Variants in LIN28B observed in about 807,000 individuals in gnomAD.
The protein encoded by LIN28B is protein lin-28 homolog B.
In LIN28B, 5 loss-of-function variants were observed where a neutral mutation model predicts 21.9. That is an observed-to-expected ratio of 0.23 (90% confidence interval 0.12 to 0.48). The LOEUF (loss-of-function observed/expected upper bound fraction) is 0.48. Among genes scored for constraint, LIN28B ranks in the 20% least tolerant of loss-of-function variants. The pLI is 0.98. For synonymous variants in LIN28B, 109 were observed against 111.3 expected (o/e 0.98, Z 0.13); for missense variants, 245 against 310.5 (o/e 0.79, Z 1.58).
At chr6:105,036,922 T>C (rs1460995752) in intron 3 of LIN28B, among the ~76,000 whole-genome samples, 1 of 150,228 alleles carries the variant, frequency 6.7e-6, no homozygotes, top group East Asian at 2.0e-4. Flanking sequence ...AAATTTGATA[T>C]CCTTTCTAAA....
intron 2 of LIN28B, among the ~76,000 whole-genome samples, chr6:104,984,584 C>A (rs949576152): frequency 9.9e-5 from 15 of 152,084 alleles, no homozygotes; most frequent in Non-Finnish European, 1.9e-4. Context: ...AGTTTGTGCA[C>A]CACCATGCCC....
intron 2 of LIN28B, among the ~76,000 whole-genome samples, chr6:105,010,099 A>T (rs1180142522): frequency 1.4e-4 from 21 of 152,134 alleles, no homozygotes; most frequent in Admixed American, 1.2e-3. Flanking sequence ...CTTACTGAAT[A>T]CTTCATAGCA....
Position 104,974,912 on chromosome 6 carries a change from C to G in LIN28B, c.198+16626C>G, listed in dbSNP as rs149605024. Among the ~76,000 whole-genome samples, 6 of 152,118 alleles carry G rather than the reference C, an allele frequency of 3.9e-5. No individual in the cohort carries two copies. In the East Asian group the frequency reaches 1.2e-3, roughly 29 times the overall value. Reference sequence around the variant, plus strand: ...TCTGTTCATTGCAACCTCTGCCTCCCAGGTTCAAGTTGTTCTCCTGCCTCA... The same window carrying G: ...TCTGTTCATTGCAACCTCTGCCTCCGAGGTTCAAGTTGTTCTCCTGCCTCA... On this transcript the variant is annotated intron_variant, in intron 2 of 3. Transcript: ENST00000345080.
intron 2 of LIN28B, among the ~76,000 whole-genome samples, chr6:104,949,407 C>T (rs1680500597): frequency 6.6e-6 from 1 of 152,036 alleles, no homozygotes; most frequent in South Asian, 2.1e-4. Context: ...TCACATTCTT[C>T]CTCTATTCTT....
intron 2 of LIN28B, among the ~76,000 whole-genome samples, chr6:104,961,604 G>A (rs945117433): frequency 2.0e-5 from 3 of 152,074 alleles, no homozygotes; most frequent in African/African-American, 7.2e-5. Flanking sequence ...GTTTCACTAT[G>A]TTGGCCAGGC....
At chr6:105,037,151 TC>T (rs1214664028) in intron 3 of LIN28B, among the ~76,000 whole-genome samples, 1 of 152,166 alleles carries the variant, frequency 6.6e-6, no homozygotes, top group Non-Finnish European at 1.5e-5. Flanking sequence ...TGAAGACTGA[TC>T]AACAGAAAAT....
chr6:105,065,866 G>A (rs1185800154), intron 3 of LIN28B, among the ~76,000 whole-genome samples: 2 of 152,150 alleles, frequency 1.3e-5, no homozygotes, highest in Admixed American at 6.5e-5. Context: ...ATTCAATAAT[G>A]TAATAATAAT....
intron 3 of LIN28B, among the ~76,000 whole-genome samples, chr6:105,066,636 T>A (rs1272937475): frequency 6.6e-6 from 1 of 152,214 alleles, no homozygotes; most frequent in Non-Finnish European, 1.5e-5. Context: ...GTCCTTATTT[T>A]GTATACCTAA....
intron 3 of LIN28B, among the ~76,000 whole-genome samples, chr6:105,049,449 G>T (rs1384289907): frequency 1.3e-5 from 2 of 152,216 alleles, no homozygotes; most frequent in African/African-American, 4.8e-5. Flanking sequence ...GAATAAGTGT[G>T]ATGTGGTGCT....
chr6:104,987,271 C>T (rs1029278063), intron 2 of LIN28B, among the ~76,000 whole-genome samples: 3 of 152,056 alleles, frequency 2.0e-5, no homozygotes, highest in African/African-American at 7.2e-5. Context: ...GTTTTTTACT[C>T]TACATAAGAA....
intron 2 of LIN28B, among the ~76,000 whole-genome samples, chr6:105,004,942 G>T (rs1010473909): frequency 1.3e-5 from 2 of 152,092 alleles, no homozygotes; most frequent in African/African-American, 4.8e-5. Flanking sequence ...TCATCTTGGA[G>T]AATTTCCTTT....
chr6:105,033,666 A>C (rs1305754919), intron 3 of LIN28B, among the ~76,000 whole-genome samples: 1 of 151,904 alleles, frequency 6.6e-6, no homozygotes, highest in Non-Finnish European at 1.5e-5. Flanking sequence ...AGAGTAAAGA[A>C]ATTTAACGAG....
chr6:105,000,110 CT>C (rs1396907409), intron 2 of LIN28B, among the ~76,000 whole-genome samples: 5 of 152,002 alleles, frequency 3.3e-5, no homozygotes, highest in South Asian at 2.1e-4. Flanking sequence ...AAGAGTTTAC[CT>C]GCAAAAATGG....
At chr6:104,960,128 A>T (rs1769700173) in intron 2 of LIN28B, among the ~76,000 whole-genome samples, 1 of 152,158 alleles carries the variant, frequency 6.6e-6, no homozygotes, top group Non-Finnish European at 1.5e-5. Context: ...CTTAATATTC[A>T]GTTACATACA....
chr6:105,033,589 C>G (rs1462529438), intron 3 of LIN28B, among the ~76,000 whole-genome samples: 1 of 151,856 alleles, frequency 6.6e-6, no homozygotes, highest in African/African-American at 2.4e-5. Flanking sequence ...GAAAAGTTTT[C>G]TTAACATTTC....
intron 2 of LIN28B, among the ~76,000 whole-genome samples, chr6:105,014,577 C>T (rs149393877): frequency 4.1e-4 from 63 of 152,294 alleles, no homozygotes; most frequent in African/African-American, 1.3e-3. Flanking sequence ...CCCACCTCAG[C>T]TTCCTGAATG....
At chr6:104,995,873 G>C (rs1770588544) in intron 2 of LIN28B, among the ~76,000 whole-genome samples, 1 of 151,594 alleles carries the variant, frequency 6.6e-6, no homozygotes, top group Non-Finnish European at 1.5e-5. Context: ...AAAGTAGCTT[G>C]GGCTTATATA....
intron 3 of LIN28B, among the ~76,000 whole-genome samples, chr6:105,056,917 C>T (rs1772033303): frequency 6.6e-6 from 1 of 152,200 alleles, no homozygotes; most frequent in Non-Finnish European, 1.5e-5. Flanking sequence ...TGTTTCCATT[C>T]TATCAAGCGC....
intron 2 of LIN28B, among the ~76,000 whole-genome samples, chr6:104,959,408 C>T (rs1427006372): frequency 6.6e-6 from 1 of 152,050 alleles, no homozygotes; most frequent in Non-Finnish European, 1.5e-5. Context: ...TTGCATGTTC[C>T]TAGTAATATT....
Sources: gnomAD v4.1 joint callset for allele counts (sites outside exome capture counted in the v4.1 genomes callset) on GRCh38, gnomAD v4.1.1 for gene constraint, MANE v1.5 for transcripts, NCBI Gene and HGNC (gene_info 2026-07-23, HGNC 2026-07-21) for gene names.